Variants in CLK4 observed in about 807,000 individuals in gnomAD.
The protein encoded by CLK4 is CDC like kinase 4.
A neutral mutation model predicts 64.4 loss-of-function variants in CLK4; 37 were observed. The ratio of observed to expected loss-of-function variants is 0.57; its 90% confidence interval spans 0.44 to 0.76. CLK4 has a LOEUF of 0.76. CLK4 is among the 30% of genes least tolerant of loss of function. The pLI is 0.00. For missense variants in CLK4, 457 were observed against 605.1 expected (o/e 0.76, Z 2.57); for synonymous variants, 175 against 191.6 (o/e 0.91, Z 0.72).
Position 178,603,884 on chromosome 5 carries a change from G to A in CLK4, c.1265C>T (p.Ser422Phe), listed in dbSNP as rs1764421585. ...GCGTCTCCTAACATATCTACCAGCAGAACTGTGTTCATCCCAATCTAGCTG... is the reference window on the plus strand; with the variant it reads ...GCGTCTCCTAACATATCTACCAGCAAAACTGTGTTCATCCCAATCTAGCTG... ...HNQLDWDEHS[S>F]AGRYVRRRCK... is the part of the protein sequence containing the mutation. The change falls in exon 12 of 13, where the codon TCT (serine) becomes TTT (phenylalanine). Residue 422 changes from serine (S) to phenylalanine (F), a missense_variant. By Grantham distance (155) the Ser-to-Phe change is radical (BLOSUM62 -2). Coordinates refer to ENST00000316308, the MANE Select transcript of CLK4 (RefSeq NM_020666.3). 1 of 1,609,584 alleles carries A rather than the reference G, an allele frequency of 6.2e-7. No homozygotes were observed. Among genetic ancestry groups the A allele is most frequent in the Admixed American group, 1.7e-5 (1 of 59,380 alleles).
At chr5:178,616,688 T>C (rs1386170924) in intron 5 of CLK4, among the ~76,000 whole-genome samples, 194 bp downstream of exon 5, 2 of 151,926 alleles carry the variant, frequency 1.3e-5, no homozygotes, top group Non-Finnish European at 2.9e-5. Flanking sequence ...CCCAGCTACT[T>C]GAGAGGCTGA....
chr5:178,623,364 C>G lies in CLK4; in HGVS notation c.53G>C (p.Trp18Ser), dbSNP rs755402423. The G allele has an allele frequency of 6.2e-7, 1 of 1,614,068 alleles. No homozygotes were observed. The highest frequency in any genetic ancestry group is 8.5e-7 in the Non-Finnish European group (1 of 1,179,988). ...ACTTCCACGATAGCTTTCATGTCCC[C>G]AGCTTTCTCTGCTATCCCAATCAGG... is the stretch of plus-strand genomic sequence containing the variant. ...HCPDWDSRES[W>S]GHESYRGSHK... The change falls in exon 2 of 13, where the codon TGG (tryptophan) becomes TCG (serine). Residue 18 changes from tryptophan (W) to serine (S), a missense_variant. Physicochemically the swap from Trp to Ser is radical, Grantham distance 177. Coordinates refer to ENST00000316308, the MANE Select transcript of CLK4 (RefSeq NM_020666.3).
chr5:178,623,302 C>T lies in CLK4; in HGVS notation c.115G>A (p.Glu39Lys). 1 of 1,613,962 alleles carries T rather than the reference C, an allele frequency of 6.2e-7. No individual in the cohort carries two copies. The highest frequency in any genetic ancestry group is 8.5e-7 in the Non-Finnish European group (1 of 1,179,916). The part of the protein sequence containing the change: ...RKRRSHSSTQ[E>K]NRHCKPHHQF... Reference sequence around the variant, plus strand: ...TGATGTGGTTTACAATGCCTGTTCTCTTGTGTGCTACTATGAGATCTCCTC... The same window carrying T: ...TGATGTGGTTTACAATGCCTGTTCTTTTGTGTGCTACTATGAGATCTCCTC... Residue 39 changes from glutamate (E) to lysine (K), a missense_variant, in exon 2 of 13, where the codon GAG (glutamate) becomes AAG (lysine). Glu to Lys is a moderately conservative substitution (Grantham distance 56). Coordinates refer to ENST00000316308, the MANE Select transcript of CLK4 (RefSeq NM_020666.3).
intron 9 of CLK4, among the ~76,000 whole-genome samples, chr5:178,611,730 CTA>C (rs1315261220): frequency 6.6e-6 from 1 of 152,228 alleles, no homozygotes. Context: ...GCTTTACAAT[CTA>C]ACCTCAGTTG....
chr5:178,624,090 G>A (rs903990628), intron 1 of CLK4, among the ~76,000 whole-genome samples: 2 of 152,166 alleles, frequency 1.3e-5, no homozygotes, highest in Non-Finnish European at 2.9e-5. Flanking sequence ...ATTCTCCATA[G>A]TTCTTTTCTC....
chr5:178,604,531 G>A (rs897657947), intron 11 of CLK4: 4 of 151,700 alleles, frequency 2.6e-5, no homozygotes, highest in East Asian at 1.9e-4. Context: ...ACCAGGGACC[G>A]GTTTCATGGA....
rs73351809 is a variant in CLK4 at position 178,616,749 on chromosome 5, T to A, written c.542+133A>T. On this transcript the variant is annotated intron_variant, in intron 5 of 12. Coordinates refer to ENST00000316308, the MANE Select transcript of CLK4 (RefSeq NM_020666.3). Reference sequence around the variant, plus strand: ...AGGCGGCAGTTGCAGTGAGCCAAGATAGCACCACTGCACTCAAGCCTGGGC... The same window carrying A: ...AGGCGGCAGTTGCAGTGAGCCAAGAAAGCACCACTGCACTCAAGCCTGGGC... The A allele has an allele frequency of 6.0e-3, 3,915 of 654,846 alleles. 141 individuals carry two copies. The African/African-American group carries it at 0.066, about 11-fold the overall frequency. The allele number at this position is 654,846 out of a possible 1,614,324, so 40.6% of individuals were successfully genotyped here. A position where few individuals can be genotyped will look rare whatever the true frequency, so the allele number is the denominator to read the frequency against.
In CLK4 at chr5:178,608,470, C is replaced by G. The variant is rs770837460; in HGVS notation, c.1052-12G>C. On this transcript the variant is annotated splice_polypyrimidine_tract_variant and intron_variant, in intron 9 of 12. Transcript: ENST00000316308. Reference sequence around the variant, plus strand: ...AGACCAACCTAAAGCTATTTTAAAACAAATAGAAACATTTTACTATGCAAA... The same window carrying G: ...AGACCAACCTAAAGCTATTTTAAAAGAAATAGAAACATTTTACTATGCAAA... The G allele has an allele frequency of 6.3e-7, 1 of 1,584,400 alleles. No homozygotes were observed. The highest frequency in any genetic ancestry group is 8.6e-7 in the Non-Finnish European group (1 of 1,164,926).
chr5:178,625,901 G>T (rs1429885355), intron 1 of CLK4, among the ~76,000 whole-genome samples: 1 of 152,202 alleles, frequency 6.6e-6, no homozygotes, highest in Non-Finnish European at 1.5e-5. Context: ...CACGTTCTAC[G>T]TGGTAAGGTT....
At chr5:178,618,403 G>A (rs532607803) in intron 3 of CLK4, 153 bp downstream of exon 3, 64 of 263,262 alleles carry the variant, frequency 2.4e-4, no homozygotes, top group African/African-American at 1.3e-3. Context: ...GAATTTGGAG[G>A]TTTCCTTTAA....
intron 10 of CLK4, among the ~76,000 whole-genome samples, chr5:178,607,345 T>C (rs1562126711): frequency 6.6e-6 from 1 of 152,086 alleles, no homozygotes; most frequent in Non-Finnish European, 1.5e-5. Flanking sequence ...GAGTAGAATA[T>C]GTTCCTTTAC....
At position 178,608,437 on chromosome 5, in the gene CLK4, C is replaced by G. The variant is rs201512189; in HGVS notation, c.1073G>C (p.Cys358Ser). The G allele has an allele frequency of 6.2e-7, 1 of 1,609,986 alleles. No individual in the cohort carries two copies. Among genetic ancestry groups the G allele is most frequent in the African/African-American group, 1.3e-5 (1 of 74,870 alleles). The change falls in exon 10 of 13, where the codon TGT becomes TCT. Residue 358 changes from cysteine to serine, a missense_variant. Coordinates refer to ENST00000316308, the MANE Select transcript of CLK4 (RefSeq NM_020666.3). ...VILALGWSQP[C>S]DVWSIGCILI... is the part of the protein sequence containing the mutation. ...AATGCAACCTATGCTCCAAACATCACAAGGCTGAGACCAACCTAAAGCTAT... is the reference window on the plus strand; with the variant it reads ...AATGCAACCTATGCTCCAAACATCAGAAGGCTGAGACCAACCTAAAGCTAT...
intron 9 of CLK4, among the ~76,000 whole-genome samples, chr5:178,610,821 A>G (rs1764546902): frequency 6.6e-6 from 1 of 151,420 alleles, no homozygotes; most frequent in Admixed American, 6.6e-5. Flanking sequence ...CCTGTAATCC[A>G]AGCACTTTGG....
intron 9 of CLK4, among the ~76,000 whole-genome samples, chr5:178,611,038 A>G (rs1764549916): frequency 6.7e-6 from 1 of 150,156 alleles, no homozygotes; most frequent in African/African-American, 2.5e-5. Flanking sequence ...GTACCACTGC[A>G]CTCCAGCCTG....
intron 10 of CLK4, among the ~76,000 whole-genome samples, chr5:178,607,216 G>A (rs1764479930): frequency 6.6e-6 from 1 of 151,208 alleles, no homozygotes; most frequent in Non-Finnish European, 1.5e-5. Flanking sequence ...TCTACTTTTG[G>A]AATCCACTGA....
In CLK4 at chr5:178,619,155, T is replaced by C. The variant is rs375414703; in HGVS notation, c.162-377A>G. The stretch of plus-strand genomic sequence containing the variant: ...CAAAAAGGATTCCTTTCTCTTGTAA[T>C]GTAAGAGCATTTTAGATATCCCTGG... On this transcript the variant is annotated intron_variant, in intron 2 of 12. Coordinates refer to ENST00000316308, the MANE Select transcript of CLK4 (RefSeq NM_020666.3). Among the ~76,000 whole-genome samples, 109 of 152,346 alleles carry C rather than the reference T, an allele frequency of 7.2e-4. 1 individual carries two copies. Among genetic ancestry groups the C allele is most frequent in the Admixed American group, 2.2e-3 (34 of 15,308 alleles).
intron 2 of CLK4, among the ~76,000 whole-genome samples, chr5:178,621,385 TTAAC>T (rs1764704489): frequency 6.6e-6 from 1 of 152,110 alleles, no homozygotes; most frequent in Admixed American, 6.5e-5. Flanking sequence ...GCAGAATGGA[TTAAC>T]TAAGCCTGTA....
intron 3 of CLK4, 101 bp downstream of exon 3, chr5:178,618,455 G>A (rs1436562341): frequency 2.8e-6 from 1 of 360,756 alleles, no homozygotes; most frequent in Non-Finnish European, 4.6e-6. Context: ...TATCCAAATA[G>A]TATTTTATAT....
intron 1 of CLK4, among the ~76,000 whole-genome samples, chr5:178,623,983 G>C (rs1373694621): frequency 6.6e-6 from 1 of 152,180 alleles, no homozygotes; most frequent in Non-Finnish European, 1.5e-5. Flanking sequence ...ACAAATAACT[G>C]AAGTGCAAGA....
Sources: allele counts gnomAD v4.1 joint callset (sites outside exome capture counted in the v4.1 genomes callset), GRCh38; gene constraint gnomAD v4.1.1; transcripts MANE v1.5; gene names NCBI Gene and HGNC (gene_info 2026-07-23, HGNC 2026-07-21).